The following WDFY2 variants were observed in gnomAD, a reference collection of about 807,000 sequenced individuals.
WDFY2 encodes the protein WD repeat and FYVE domain-containing protein 2.
WDFY2 carries 36 observed loss-of-function variants against 56.4 expected under a neutral mutation model. The ratio of observed to expected loss-of-function variants is 0.64; its 90% confidence interval spans 0.49 to 0.84. The LOEUF (loss-of-function observed/expected upper bound fraction) is 0.84, where lower values mean the gene tolerates loss of function less well. WDFY2 is among the 40% of genes least tolerant of loss of function. WDFY2 has a pLI of 0.00. For synonymous variants in WDFY2, 176 were observed against 183.7 expected (o/e 0.96, Z 0.34); for missense variants, 444 against 512.2 (o/e 0.87, Z 1.29).
chr13:51,644,755 G>T (rs537742525), intron 1 of WDFY2, among the ~76,000 whole-genome samples: 2 of 152,172 alleles, frequency 1.3e-5, no homozygotes, highest in African/African-American at 2.4e-5. Flanking sequence ...AAGTTATTTG[G>T]GTCTGTTGTA....
At chr13:51,604,494 A>C (rs1387719745) in intron 1 of WDFY2, among the ~76,000 whole-genome samples, 1 of 152,208 alleles carries the variant, frequency 6.6e-6, no homozygotes, top group Non-Finnish European at 1.5e-5. Context: ...AACTCCTGGA[A>C]GCCAAGTTCA....
At chr13:51,656,006 T>A (rs1241181535) in intron 1 of WDFY2, among the ~76,000 whole-genome samples, 1 of 151,896 alleles carries the variant, frequency 6.6e-6, no homozygotes, top group African/African-American at 2.4e-5. Flanking sequence ...CTTTTGCTGA[T>A]CTTTTCAAAG....
chr13:51,719,790 A>G (rs1168984611), intron 5 of WDFY2, among the ~76,000 whole-genome samples: 1 of 152,214 alleles, frequency 6.6e-6, no homozygotes, highest in Non-Finnish European at 1.5e-5. Context: ...AGTTTTAAAT[A>G]GTTATTGAGA....
intron 6 of WDFY2, among the ~76,000 whole-genome samples, chr13:51,732,497 T>C (rs775063295): frequency 1.3e-5 from 2 of 152,358 alleles, no homozygotes; most frequent in South Asian, 2.1e-4. Context: ...AATTATTTTA[T>C]TAGCATGAAC....
At chr13:51,736,336 T>TA (rs1047783338) in intron 6 of WDFY2, among the ~76,000 whole-genome samples, 1 of 152,218 alleles carries the variant, frequency 6.6e-6, no homozygotes, top group Non-Finnish European at 1.5e-5. Flanking sequence ...CTATACCTAA[T>TA]AAAGATAGGG....
chr13:51,701,520 CAAAA>C (rs368134096), intron 3 of WDFY2, among the ~76,000 whole-genome samples: 2 of 79,568 alleles, frequency 2.5e-5, no homozygotes, highest in Non-Finnish European at 2.3e-5. Flanking sequence ...GATTCCATCT[CAAAA>C]AAAAAAAAAA....
chr13:51,629,181 A>G (rs1954900440), intron 1 of WDFY2, among the ~76,000 whole-genome samples: 2 of 152,212 alleles, frequency 1.3e-5, no homozygotes, highest in South Asian at 4.1e-4. Context: ...GAGGAAGGCT[A>G]ACAGAGGAAG....
At chr13:51,665,604 G>T (rs1955685917) in intron 2 of WDFY2, among the ~76,000 whole-genome samples, 1 of 152,214 alleles carries the variant, frequency 6.6e-6, no homozygotes, top group Non-Finnish European at 1.5e-5. Flanking sequence ...GCAGGAGTTG[G>T]TGGAAAGAGT....
At chr13:51,639,611 A>G (rs1955118309) in intron 1 of WDFY2, among the ~76,000 whole-genome samples, 1 of 152,174 alleles carries the variant, frequency 6.6e-6, no homozygotes, top group Admixed American at 6.5e-5. Context: ...TTTTTAATAT[A>G]GGCTGGATTA....
intron 8 of WDFY2, among the ~76,000 whole-genome samples, chr13:51,754,033 C>G (rs1205752376): frequency 6.8e-6 from 1 of 146,882 alleles, no homozygotes; most frequent in East Asian, 2.0e-4. Flanking sequence ...GCGGAGGTTG[C>G]AGTGAGCCAA....
At chr13:51,748,933 G>A (rs1953164408) in intron 7 of WDFY2, among the ~76,000 whole-genome samples, 1 of 152,034 alleles carries the variant, frequency 6.6e-6, no homozygotes, top group South Asian at 2.1e-4. Flanking sequence ...AGACACTTTA[G>A]TATTGCCCTT....
At chr13:51,590,759 A>C (rs906024460) in intron 1 of WDFY2, 10 of 151,924 alleles carry the variant, frequency 6.6e-5, no homozygotes, top group African/African-American at 2.2e-4. Context: ...ATTCCCTAAC[A>C]GAGAAAAAAA....
intron 3 of WDFY2, among the ~76,000 whole-genome samples, chr13:51,680,577 A>C (rs1031963375): frequency 1.3e-5 from 2 of 152,226 alleles, no homozygotes; most frequent in African/African-American, 4.8e-5. Flanking sequence ...ACATCTGGTA[A>C]TATTGTATCT....
intron 4 of WDFY2, among the ~76,000 whole-genome samples, chr13:51,703,906 A>T (rs987242697): frequency 2.0e-5 from 3 of 152,188 alleles, no homozygotes; most frequent in Non-Finnish European, 2.9e-5. Context: ...TTGTCTTCCT[A>T]CTATACCATG....
At chr13:51,643,342 C>T (rs1411935132) in intron 1 of WDFY2, among the ~76,000 whole-genome samples, 2 of 152,208 alleles carry the variant, frequency 1.3e-5, no homozygotes, top group African/African-American at 4.8e-5. Flanking sequence ...CCAGGGGCAT[C>T]CTCTGAATCA....
At chr13:51,691,533 T>G (rs997997467) in intron 3 of WDFY2, among the ~76,000 whole-genome samples, 4 of 151,924 alleles carry the variant, frequency 2.6e-5, no homozygotes, top group African/African-American at 7.3e-5. Flanking sequence ...TTCTGAGGGC[T>G]CTGTTCCGTT....
intron 1 of WDFY2, among the ~76,000 whole-genome samples, chr13:51,641,825 CAAAAAAAAAAAAAA>C (rs750489541): frequency 4.3e-4 from 16 of 37,418 alleles, no homozygotes; most frequent in African/African-American, 5.2e-4. Flanking sequence ...GACTCCGTCT[CAAAAAAAAAAAAAA>C]AAAAAAAAAA....
intron 9 of WDFY2, among the ~76,000 whole-genome samples, chr13:51,755,695 G>C (rs2897944): frequency 6.6e-6 from 1 of 151,966 alleles, no homozygotes; most frequent in African/African-American, 2.4e-5. Context: ...TTAGAATTCT[G>C]TTGGCCTCTA....
At chr13:51,597,542 A>G (rs1247359858) in intron 1 of WDFY2, among the ~76,000 whole-genome samples, 1 of 152,196 alleles carries the variant, frequency 6.6e-6, no homozygotes, top group African/African-American at 2.4e-5. Flanking sequence ...CTTTTGCTTA[A>G]AAAGTTTATC....
Sources: gnomAD v4.1 joint callset for allele counts (sites outside exome capture counted in the v4.1 genomes callset) on GRCh38, gnomAD v4.1.1 for gene constraint, MANE v1.5 for transcripts, NCBI Gene and HGNC (gene_info 2026-07-23, HGNC 2026-07-21) for gene names.